TRIM42: variants seen among roughly 807,000 people sequenced by gnomAD.
TRIM42 encodes the protein tripartite motif containing 42, also known as tripartite motif-containing protein 42.
A neutral mutation model predicts 64.9 loss-of-function variants in TRIM42; 59 were observed. That is an observed-to-expected ratio of 0.91 (90% CI 0.74 to 1.13). The LOEUF is 1.13. Ranked by LOEUF, TRIM42 falls within the 50% of genes most tolerant of loss-of-function variation. TRIM42 has a pLI of 0.00. For synonymous variants in TRIM42, 354 were observed against 346.3 expected (o/e 1.02, Z -0.25); for missense variants, 878 against 929.5 (o/e 0.94, Z 0.72).
Position 140,683,131 on chromosome 3 carries a change from C to A in TRIM42, c.1011C>A (p.Leu337=). 1 of 1,614,220 alleles carries A rather than the reference C, an allele frequency of 6.2e-7. No individual in the cohort carries two copies. Among genetic ancestry groups the A allele is most frequent in the Non-Finnish European group, 8.5e-7 (1 of 1,180,032 alleles). The change falls in exon 2 of 5, where the codon CTC becomes CTA. Residue 337 remains leucine, a synonymous_variant. Coordinates refer to ENST00000286349, the MANE Select transcript of TRIM42 (RefSeq NM_152616.5). ...IDACSERAAS[L]FSAIAKFKAV... Reference sequence around the variant, plus strand: ...CCTGCTCCGAGAGGGCCGCCTCACTCTTCAGCGCCATCGCCAAGTTCAAAG... The same window carrying A: ...CCTGCTCCGAGAGGGCCGCCTCACTATTCAGCGCCATCGCCAAGTTCAAAG...
intron 2 of TRIM42, among the ~76,000 whole-genome samples, chr3:140,683,572 G>A (rs372715322): frequency 1.3e-5 from 2 of 152,078 alleles, no homozygotes; most frequent in Admixed American, 6.5e-5. Context: ...GTATACTGAC[G>A]TTCTGTGACG....
At chr3:140,697,603 T>C (rs867584911) in intron 4 of TRIM42, among the ~76,000 whole-genome samples, 1 of 152,182 alleles carries the variant, frequency 6.6e-6, no homozygotes, top group Non-Finnish European at 1.5e-5. Flanking sequence ...GTTTTCCCAA[T>C]ACCATCTACC....
chr3:140,700,107 T>C (rs1027552922), intron 4 of TRIM42, among the ~76,000 whole-genome samples: 6 of 152,000 alleles, frequency 3.9e-5, no homozygotes, highest in Non-Finnish European at 5.9e-5. Context: ...AAATATTTAT[T>C]TGGGGGGAAG....
chr3:140,686,693 G>A (rs1988553254), intron 2 of TRIM42, among the ~76,000 whole-genome samples: 1 of 152,128 alleles, frequency 6.6e-6, no homozygotes, highest in Non-Finnish European at 1.5e-5. Flanking sequence ...AGTAAAATTT[G>A]GTAAGGATTA....
At chr3:140,690,885 T>C (rs376399850) in intron 3 of TRIM42, 83 bp from the exon 4 acceptor site, 13 of 1,157,978 alleles carry the variant, frequency 1.1e-5, no homozygotes, top group African/African-American at 1.5e-5. Context: ...ACCCCACAGA[T>C]AGTCAACATC....
intron 3 of TRIM42, among the ~76,000 whole-genome samples, chr3:140,689,513 G>A (rs1234126179): frequency 6.6e-6 from 1 of 152,028 alleles, no homozygotes; most frequent in Non-Finnish European, 1.5e-5. Context: ...CTGAGATTCT[G>A]GTTCTCACAA....
At chr3:140,693,203 G>A (rs1027275869) in intron 4 of TRIM42, among the ~76,000 whole-genome samples, 16 of 152,208 alleles carry the variant, frequency 1.1e-4, no homozygotes, top group Non-Finnish European at 1.6e-4. Flanking sequence ...ACAAAGTACC[G>A]TAAGATGCCT....
At chr3:140,685,747 G>A (rs563918362) in intron 2 of TRIM42, among the ~76,000 whole-genome samples, 21 of 152,120 alleles carry the variant, frequency 1.4e-4, no homozygotes, top group Non-Finnish European at 2.9e-4. Context: ...AACCTAGTTT[G>A]GAGCTAGACA....
chr3:140,688,186 G>A lies in TRIM42; in HGVS notation c.1504G>A (p.Asp502Asn), dbSNP rs150406973. 37 of 1,614,132 alleles carry A rather than the reference G, an allele frequency of 2.3e-5. No individual in the cohort carries two copies. In the African/African-American group the frequency reaches 4.5e-4, roughly 20 times the overall value. Residue 502 changes from aspartate (D) to asparagine (N), a missense_variant, in exon 3 of 5, where the codon GAC (aspartate) becomes AAC (asparagine). Physicochemically the swap from Asp to Asn is conservative, Grantham distance 23. Coordinates refer to ENST00000286349, the MANE Select transcript of TRIM42 (RefSeq NM_152616.5). The part of the protein sequence containing the change: ...TGPKKVRSSG[D>N]SLPSPYPVHS... ...GCCCAAGAAGGTACGCTCCTCAGGG[G>A]ACTCCCTGCCCTCCCCCTACCCCGT...
chr3:140,692,118 C>G (rs1020225), intron 4 of TRIM42, among the ~76,000 whole-genome samples: 2,673 of 152,256 alleles, frequency 0.018, 56 homozygotes, highest in East Asian at 0.12. Flanking sequence ...TTCTCTCCCT[C>G]TCCCTCTTTC....
At chr3:140,690,256 T>C (rs1467744876) in intron 3 of TRIM42, among the ~76,000 whole-genome samples, 2 of 152,094 alleles carry the variant, frequency 1.3e-5, no homozygotes, top group African/African-American at 4.8e-5. Context: ...GTTAATATCA[T>C]AGAGATTTTT....
chr3:140,690,497 A>C (rs1988675502), intron 3 of TRIM42, among the ~76,000 whole-genome samples: 1 of 146,764 alleles, frequency 6.8e-6, no homozygotes, highest in African/African-American at 2.5e-5. Flanking sequence ...GTAAAAGAAA[A>C]TAGAAATCAA....
In TRIM42 at chr3:140,682,651, C is replaced by T. The variant is rs192339152; in HGVS notation, c.531C>T (p.Ala177=). 1.5e-4 allele frequency: 249 copies of T among 1,613,520 alleles called. 1 individual carries two copies. In the South Asian group the frequency reaches 2.4e-3, roughly 16 times the overall value. The change falls in exon 2 of 5, where the codon GCC becomes GCT. Residue 177 remains alanine (A), a synonymous_variant. Transcript: ENST00000286349. ...GCCTGCGGCAGCTGCAGAAGCACGC[C>T]GAGGTCACCGAGAACTTCTTCATCC... ...EKCLRQLQKH[A]EVTENFFILI... is the part of the protein sequence containing the mutation.
At chr3:140,695,617 G>T (rs976376401) in intron 4 of TRIM42, among the ~76,000 whole-genome samples, 12 of 152,152 alleles carry the variant, frequency 7.9e-5, no homozygotes, top group South Asian at 2.1e-4. Flanking sequence ...CAGTGCTGCT[G>T]TCTTCCTATT....
intron 1 of TRIM42, among the ~76,000 whole-genome samples, chr3:140,682,129 A>G (rs946262693): frequency 6.6e-6 from 1 of 152,200 alleles, no homozygotes; most frequent in African/African-American, 2.4e-5. Context: ...CTTAATAACA[A>G]CAAGCAGTCT....
Position 140,682,694 on chromosome 3 carries a change from G to T in TRIM42, c.574G>T (p.Asp192Tyr). The change falls in exon 2 of 5, where the codon GAC becomes TAC. Residue 192 changes from aspartate (D) to tyrosine (Y), a missense_variant. Asp to Tyr is a radical substitution (Grantham distance 160). Transcript: ENST00000286349. ...CTTCATCCTCATCTGCCCAGTGTGC[G>T]ACCGCTCGCACTGCATGCCCTACAG... is the stretch of plus-strand genomic sequence containing the variant. ...NFFILICPVCDRSHCMPYSNK... is the reference protein window; with the variant it reads ...NFFILICPVCYRSHCMPYSNK... 6.2e-7 allele frequency: 1 copy of T among 1,612,636 alleles called. No individual in the cohort carries two copies. Among genetic ancestry groups the T allele is most frequent in the Non-Finnish European group, 8.5e-7 (1 of 1,180,014 alleles).
rs375509107 is a variant in TRIM42 at position 140,700,979 on chromosome 3, C to T, written c.*5C>T. ...GCCCTCCAGAAGCACTTCTGAGCCC[C>T]TTCAGAGCAGGAAACAACCTCAGAC... On this transcript the variant is annotated 3_prime_UTR_variant, in exon 5 of 5. Coordinates refer to ENST00000286349, the MANE Select transcript of TRIM42 (RefSeq NM_152616.5). 5 of 1,613,624 alleles carry T rather than the reference C, an allele frequency of 3.1e-6. No homozygotes were observed. The African/African-American group carries it at 5.3e-5, about 17-fold the overall frequency.
At chr3:140,679,078 T>C (rs973312160) in intron 1 of TRIM42, among the ~76,000 whole-genome samples, 1 of 151,358 alleles carries the variant, frequency 6.6e-6, no homozygotes, top group African/African-American at 2.4e-5. Context: ...ATTGTAGATA[T>C]AAGGATTAAT....
chr3:140,682,178 G>A (rs998615472), intron 1 of TRIM42, among the ~76,000 whole-genome samples: 1 of 152,132 alleles, frequency 6.6e-6, no homozygotes, highest in Non-Finnish European at 1.5e-5. Context: ...CTCTTAGACT[G>A]TACAAGTATT....
Sources: gnomAD v4.1 joint callset for allele counts (sites outside exome capture counted in the v4.1 genomes callset) on GRCh38, gnomAD v4.1.1 for gene constraint, MANE v1.5 for transcripts, NCBI Gene and HGNC (gene_info 2026-07-23, HGNC 2026-07-21) for gene names.